ACTN1: variants seen among roughly 807,000 people sequenced by gnomAD.
ACTN1 encodes the protein actinin alpha 1.
A neutral mutation model predicts 119.6 loss-of-function variants in ACTN1; 30 were observed. The observed-to-expected ratio is 0.25, with a 90% CI of 0.19 to 0.34. The LOEUF (loss-of-function observed/expected upper bound fraction) is 0.34, where lower values mean the gene tolerates loss of function less well. ACTN1 is among the 10% of genes least tolerant of loss of function. The pLI, the probability that ACTN1 is intolerant of heterozygous loss-of-function variation, is 1.00. For missense variants in ACTN1, 764 were observed against 1,223.4 expected (o/e 0.62, Z 5.60); for synonymous variants, 429 against 472.6 (o/e 0.91, Z 1.20).
rs2140091650 is a variant in ACTN1, at chr14:68,882,640, T to C, written c.1819-48A>G. On this transcript the variant is annotated intron_variant, in intron 15 of 21. Coordinates refer to ENST00000394419, the MANE Select transcript of ACTN1 (RefSeq NM_001130004.2). This position sits in a 1 kb window ranked among gnomAD's most constrained non-coding sequence, Gnocchi z 4.5. ...ACTTTCAGGATGGGTCAGCCATCTG[T>C]CCATGTGCCAGATGAGGAAATGGAG... 6.2e-7 allele frequency: 1 copy of C among 1,608,358 alleles called. No homozygotes were observed. The highest frequency in any genetic ancestry group is 1.3e-5 in the African/African-American group (1 of 74,954).
At position 68,925,651 on chromosome 14, in the gene ACTN1, A is replaced by C. The variant is rs769375482; in HGVS notation, c.127T>G (p.Ser43Ala). ...QRKTFTAWCNSHLRKAGTQIE... is the reference protein window; with the variant it reads ...QRKTFTAWCNAHLRKAGTQIE... Reference sequence around the variant, plus strand: ...TGTGTCCCCGCCTTCCGGAGGTGGGAGTTACACCATGCCGTGAATGTCTGG... The same window carrying C: ...TGTGTCCCCGCCTTCCGGAGGTGGGCGTTACACCATGCCGTGAATGTCTGG... The change falls in exon 2 of 22, where the codon TCC (serine) becomes GCC (alanine). Residue 43 changes from serine (S) to alanine (A), a missense_variant. Physicochemically the swap from Ser to Ala is moderately conservative, Grantham distance 99. This residue lies in a region of ACTN1 where 64 missense variants were observed against 80.0 expected (regional missense o/e 0.80). Transcript: ENST00000394419. This position sits in a 1 kb window ranked among gnomAD's most constrained non-coding sequence, Gnocchi z 4.3. The C allele has an allele frequency of 1.6e-5, 26 of 1,612,866 alleles. 1 individual carries two copies. The highest frequency in any genetic ancestry group is 3.3e-4 in the Middle Eastern group (2 of 6,056).
intron 1 of ACTN1, among the ~76,000 whole-genome samples, chr14:68,929,461 T>TA (rs1477795262): frequency 5.8e-4 from 47 of 81,542 alleles, no homozygotes; most frequent in African/African-American, 2.0e-3. Context: ...GCCATGTTAC[T>TA]GCTCAGCCCG....
At chr14:68,948,502 C>T (rs535537008) in intron 1 of ACTN1, among the ~76,000 whole-genome samples, 44 of 152,162 alleles carry the variant, frequency 2.9e-4, no homozygotes, top group Middle Eastern at 3.4e-3. Flanking sequence ...GGCTTGAACC[C>T]GGGAGGCAGA....
chr14:68,935,331 T>A (rs2140454900), intron 1 of ACTN1, among the ~76,000 whole-genome samples: 1 of 151,240 alleles, frequency 6.6e-6, no homozygotes, highest in East Asian at 1.9e-4. Context: ...GCAATGTGGT[T>A]GGTTTTTATG....
chr14:68,958,774 G>A (rs1196950628), intron 1 of ACTN1, among the ~76,000 whole-genome samples: 1 of 152,226 alleles, frequency 6.6e-6, no homozygotes, highest in African/African-American at 2.4e-5. Flanking sequence ...CCAGCAGCCA[G>A]GGCGTGAGGC....
intron 16 of ACTN1, among the ~76,000 whole-genome samples, chr14:68,881,569 T>C (rs1411338353): frequency 6.6e-6 from 1 of 152,096 alleles, no homozygotes; most frequent in East Asian, 1.9e-4. Context: ...ATTCAGTAGA[T>C]ATTTCCTGCC....
Position 68,909,502 on chromosome 14 carries a change from G to C in ACTN1, c.516-106C>G, listed in dbSNP as rs2033872629. The C allele has an allele frequency of 1.0e-6, 1 of 993,478 alleles. No individual in the cohort carries two copies. The highest frequency in any genetic ancestry group is 1.6e-6 in the Non-Finnish European group (1 of 644,162). The allele number at this position is 993,478 out of a possible 1,614,324, so 61.5% of individuals were successfully genotyped here. A position where few individuals can be genotyped will look rare whatever the true frequency, so the allele number is the denominator to read the frequency against. ...TAGACACCAGAGAGATGAACACATAGAGCTTTCTGGGGTAGGAGTTAGAAG... is the reference window on the plus strand; with the variant it reads ...TAGACACCAGAGAGATGAACACATACAGCTTTCTGGGGTAGGAGTTAGAAG... On this transcript the variant is annotated intron_variant, in intron 5 of 21. Transcript: ENST00000394419. The surrounding 1 kb of genome is among the most constrained non-coding windows in gnomAD (Gnocchi z 4.1).
At chr14:68,921,181 G>A (rs1206941988) in intron 2 of ACTN1, 56 bp from the exon 3 acceptor site, 41 of 1,601,382 alleles carry the variant, frequency 2.6e-5, no homozygotes, top group Non-Finnish European at 3.5e-5. Flanking sequence ...CCAGGGGCCA[G>A]AGCTACTACC....
At chr14:68,934,496 A>G (rs76041256) in intron 1 of ACTN1, among the ~76,000 whole-genome samples, 9,913 of 152,342 alleles carry the variant, frequency 0.065, 413 homozygotes, top group South Asian at 0.15. Context: ...GTTCAATGAC[A>G]AAGGCACATT....
intron 2 of ACTN1, among the ~76,000 whole-genome samples, chr14:68,924,719 C>A (rs948997854): frequency 6.6e-6 from 1 of 152,188 alleles, no homozygotes; most frequent in Non-Finnish European, 1.5e-5. Context: ...ACAGGCCACA[C>A]TGACACCACA....
chr14:68,960,183 G>A (rs1056950965), intron 1 of ACTN1, among the ~76,000 whole-genome samples: 3 of 152,112 alleles, frequency 2.0e-5, no homozygotes, highest in Non-Finnish European at 4.4e-5. Flanking sequence ...CAGAAGAGGT[G>A]GAGGAGGAGG....
At chr14:68,937,051 T>TC (rs1358193794) in intron 1 of ACTN1, among the ~76,000 whole-genome samples, 1 of 152,176 alleles carries the variant, frequency 6.6e-6, no homozygotes, top group African/African-American at 2.4e-5. Context: ...CTTGTATGCC[T>TC]CCTCCTTCCT....
intron 21 of ACTN1, among the ~76,000 whole-genome samples, chr14:68,876,521 C>G (rs1415331872): frequency 6.6e-6 from 1 of 152,146 alleles, no homozygotes; most frequent in Non-Finnish European, 1.5e-5. Flanking sequence ...ATGACCATCT[C>G]AGAACAGTGG....
intron 1 of ACTN1, among the ~76,000 whole-genome samples, chr14:68,966,076 G>A (rs2036698072): frequency 6.6e-6 from 1 of 152,006 alleles, no homozygotes; most frequent in South Asian, 2.1e-4. Context: ...AATTATCTGG[G>A]CATGACGACA....
At chr14:68,969,896 A>G (rs7141167) in intron 1 of ACTN1, among the ~76,000 whole-genome samples, 24,327 of 152,102 alleles carry the variant, frequency 0.16, 2,062 homozygotes, top group Middle Eastern at 0.2. Context: ...TGGAAAGCCA[A>G]GTTCCATTAG....
intron 1 of ACTN1, among the ~76,000 whole-genome samples, chr14:68,974,775 G>C (rs1341583730): frequency 6.6e-6 from 1 of 152,226 alleles, no homozygotes; most frequent in Non-Finnish European, 1.5e-5. Context: ...CCTAACAGGG[G>C]TTTAATGAAC....
At chr14:68,911,934 G>A (rs2034035788) in intron 4 of ACTN1, among the ~76,000 whole-genome samples, 3 of 152,224 alleles carry the variant, frequency 2.0e-5, no homozygotes, top group Non-Finnish European at 4.4e-5. Context: ...TCCCAAAGTG[G>A]GGAGTTTCCC....
At chr14:68,912,105 A>C (rs1490738562) in intron 4 of ACTN1, 51 bp downstream of exon 4, 2 of 1,569,920 alleles carry the variant, frequency 1.3e-6, no homozygotes, top group African/African-American at 2.7e-5. Context: ...GGCTAAGCCC[A>C]GGGAGGGAGA....
At chr14:68,904,803 T>C (rs1028870627) in intron 6 of ACTN1, 67 bp from the exon 7 acceptor site, 99 of 1,408,118 alleles carry the variant, frequency 7.0e-5, no homozygotes, top group Non-Finnish European at 8.9e-5. Flanking sequence ...CTACTCCCAA[T>C]TGGGTGGCCA....
Sources: allele counts gnomAD v4.1 joint callset (sites outside exome capture counted in the v4.1 genomes callset), GRCh38; gene constraint gnomAD v4.1.1; regional missense constraint gnomAD v4.1.1; non-coding constraint Gnocchi (gnomAD v3.1); transcripts MANE v1.5; gene names NCBI Gene and HGNC (gene_info 2026-07-23, HGNC 2026-07-21).